Variants in LSS observed in about 807,000 individuals in gnomAD.
LSS encodes the protein lanosterol synthase.
Under a neutral mutation model 110.3 loss-of-function variants are expected in LSS, and 90 were observed. The observed-to-expected ratio is 0.82, with a 90% CI of 0.69 to 0.97. The LOEUF (loss-of-function observed/expected upper bound fraction) is 0.97, where lower values mean the gene tolerates loss of function less well. Among genes scored for constraint, LSS ranks in the 50% least tolerant of loss-of-function variants. The probability of loss-of-function intolerance (pLI) is 0.00; values close to 1 mark genes in which losing one functional copy is unlikely to be tolerated. For synonymous variants in LSS, 433 were observed against 400.0 expected, an observed-to-expected ratio of 1.08 and a Z score of -0.98; for missense variants, 927 against 990.0, an observed-to-expected ratio of 0.94 and a Z score of 0.85.
At chr21:46,192,029 G>T in intron 20 of LSS, 70 bp from the exon 21 acceptor site, 1 of 1,193,106 alleles carries the variant, frequency 8.4e-7, no homozygotes, top group Admixed American at 1.8e-5. Context: ...CCCTCACACA[G>T]CCGAGCATAA....
intron 20 of LSS, chr21:46,193,825 G>C: frequency 2.6e-6 from 1 of 383,770 alleles, no homozygotes; most frequent in South Asian, 1.9e-5. Context: ...CTGTACGTGT[G>C]TGTACACAGG....
chr21:46,195,721 A>G lies in LSS; in HGVS notation c.1772T>C (p.Phe591Ser). 1.9e-6 allele frequency: 3 copies of G among 1,613,918 alleles called. No homozygotes were observed. Among genetic ancestry groups the G allele is most frequent in the Non-Finnish European group, 2.5e-6 (3 of 1,180,024 alleles). ...WGVCFTYGTW[F>S]GLEAFACMGQ... ...CATACAGGCGAAGGCCTCCAGGCCA[A>G]ACCAGGTGCCGTAGGTGAAGCAAAC... The change falls in exon 19 of 22, where the codon TTT becomes TCT. Residue 591 changes from phenylalanine (F) to serine (S), a missense_variant. Physicochemically the swap from Phe to Ser is radical, Grantham distance 155. Transcript: ENST00000397728.
Position 46,190,962 on chromosome 21 carries a change from C to T in LSS, c.*142G>A, listed in dbSNP as rs934085416. ...ACCCTGTCCCCATCCCTGCCTCCAGCCTGGCCCCCAGATTCACATCTATGA... is the reference window on the plus strand; with the variant it reads ...ACCCTGTCCCCATCCCTGCCTCCAGTCTGGCCCCCAGATTCACATCTATGA... On this transcript the variant is annotated 3_prime_UTR_variant, in exon 22 of 22. Transcript: ENST00000397728. The surrounding 1 kb of genome is among the most constrained non-coding windows in gnomAD (Gnocchi z 4.6). 12 of 963,106 alleles carry T rather than the reference C, an allele frequency of 1.2e-5. No homozygotes were observed. The highest frequency in any genetic ancestry group is 1.8e-5 in the Non-Finnish European group (12 of 667,690). The allele number at this position is 963,106 out of a possible 1,614,324, so 59.7% of individuals were successfully genotyped here. A position where few individuals can be genotyped will look rare whatever the true frequency, so the allele number is the denominator to read the frequency against.
intron 3 of LSS, among the ~76,000 whole-genome samples, chr21:46,223,930 G>C (rs1156346241): frequency 6.6e-6 from 1 of 152,150 alleles, no homozygotes. Context: ...GGGAAAGGGA[G>C]GCTCCCTTTC....
At chr21:46,210,063 CTTTTTTTTT>C (rs71318051) in intron 12 of LSS, among the ~76,000 whole-genome samples, 1 of 107,596 alleles carries the variant, frequency 9.3e-6, no homozygotes, top group Non-Finnish European at 1.8e-5. Flanking sequence ...AGTTCCAGTT[CTTTTTTTTT>C]TTTTTTTTTT....
intron 6 of LSS, 94 bp downstream of exon 6, chr21:46,219,382 T>A: frequency 1.4e-4 from 99 of 690,046 alleles, no homozygotes; most frequent in Middle Eastern, 5.3e-4. Flanking sequence ...CACCCCTCTC[T>A]GCTGTCACAG....
At position 46,191,101 on chromosome 21, in the gene LSS, T is replaced by C. The variant is rs764821380; in HGVS notation, c.*3A>G. On this transcript the variant is annotated 3_prime_UTR_variant, in exon 22 of 22. Transcript: ENST00000397728. ...AGACGGCACCCAGCAGGTAGGCATGTTCTCAGGGGTGGCCAGCAAGGGCTC... is the reference window on the plus strand; with the variant it reads ...AGACGGCACCCAGCAGGTAGGCATGCTCTCAGGGGTGGCCAGCAAGGGCTC... The C allele has an allele frequency of 1.2e-6, 2 of 1,613,880 alleles. No individual in the cohort carries two copies. Among genetic ancestry groups the C allele is most frequent in the Non-Finnish European group, 1.7e-6 (2 of 1,179,992 alleles).
At chr21:46,198,071 G>A (rs2079932299) in intron 17 of LSS, among the ~76,000 whole-genome samples, 1 of 152,092 alleles carries the variant, frequency 6.6e-6, no homozygotes, top group South Asian at 2.1e-4. Context: ...TTTGAGACCA[G>A]CCTGGGCAAC....
chr21:46,203,891 A>G (rs1189390161), intron 17 of LSS, among the ~76,000 whole-genome samples: 1 of 152,276 alleles, frequency 6.6e-6, no homozygotes, highest in Non-Finnish European at 1.5e-5. Flanking sequence ...CAGAACACAC[A>G]TTTAACTGAA....
At chr21:46,228,285 G>T (rs2080381081) in intron 2 of LSS, 149 bp downstream of exon 2, 3 of 789,918 alleles carry the variant, frequency 3.8e-6, no homozygotes, top group Non-Finnish European at 5.9e-6. Flanking sequence ...AAGCGGAGGG[G>T]CCCGCGAACG....
intron 11 of LSS, among the ~76,000 whole-genome samples, chr21:46,212,162 C>T (rs1315564979): frequency 1.3e-5 from 2 of 152,204 alleles, no homozygotes; most frequent in Non-Finnish European, 2.9e-5. Context: ...TCACAAAACA[C>T]GGACAGTGTC....
chr21:46,215,695 G>A lies in LSS; in HGVS notation c.882C>T (p.Arg294=), dbSNP rs781300413. Reference sequence around the variant, plus strand: ...TCAGGAGGCGCTCACCATATACCACGCGGAGCAGCCAGCTGTGCGGCGTGT... The same window carrying A: ...TCAGGAGGCGCTCACCATATACCACACGGAGCAGCCAGCTGTGCGGCGTGT... The part of the protein sequence containing the change: ...ELYTPHSWLL[R]VVYALLNLYE... Residue 294 remains arginine, a synonymous_variant, in exon 8 of 22, where the codon CGC becomes CGT. Coordinates refer to ENST00000397728, the MANE Select transcript of LSS (RefSeq NM_002340.6). The A allele has an allele frequency of 1.6e-5, 25 of 1,610,748 alleles. No individual in the cohort carries two copies. The highest frequency in any genetic ancestry group is 1.7e-4 in the Middle Eastern group (1 of 6,044).
chr21:46,202,116 CG>C (rs2079986000), intron 17 of LSS, among the ~76,000 whole-genome samples: 1 of 135,366 alleles, frequency 7.4e-6, no homozygotes, highest in African/African-American at 2.7e-5. Flanking sequence ...TAATATAGGC[CG>C]GGCGCGGTGG....
intron 9 of LSS, among the ~76,000 whole-genome samples, chr21:46,214,153 C>T (rs969874065): frequency 6.6e-6 from 1 of 152,190 alleles, no homozygotes. Context: ...CTACCAGGTG[C>T]CTTAGAGACA....
At chr21:46,213,868 T>A in intron 9 of LSS, 33 bp from the exon 10 acceptor site, 2 of 1,518,094 alleles carry the variant, frequency 1.3e-6, no homozygotes, top group Non-Finnish European at 1.8e-6. Context: ...AAGGCTCCGC[T>A]CCAGACCCAC....
chr21:46,201,720 T>C lies in LSS; in HGVS notation c.1670+4116A>G, dbSNP rs1008186213. ...GAGAATTTAAGTCTGTCTAGTAAAA[T>C]AGAATATTCCATATAAATAGTGTTA... On this transcript the variant is annotated intron_variant, in intron 17 of 21. Coordinates refer to ENST00000397728, the MANE Select transcript of LSS (RefSeq NM_002340.6). Among the ~76,000 whole-genome samples, 4 of 152,200 alleles carry C rather than the reference T, an allele frequency of 2.6e-5. 1 individual carries two copies. Among genetic ancestry groups the C allele is most frequent in the Admixed American group, 6.5e-5 (1 of 15,298 alleles).
chr21:46,208,248 T>C lies in LSS; in HGVS notation c.1317+3A>G. 1 of 1,552,076 alleles carries C rather than the reference T, an allele frequency of 6.4e-7. No individual in the cohort carries two copies. The highest frequency in any genetic ancestry group is 8.7e-7 in the Non-Finnish European group (1 of 1,147,228). ...GACAGGGATGGGGCTGGCTCCCGCA[T>C]ACCTTGCGCATCTGGCGGTAGTACT... On this transcript the variant is annotated splice_donor_region_variant and intron_variant, in intron 14 of 21. Transcript: ENST00000397728.
In LSS at chr21:46,207,791, C is replaced by T. The variant is rs2080072649; in HGVS notation, c.1318-214G>A. ...CAGGGACCCTCAGGGGTGCAGCTCA[C>T]ACCCTCAACACCTGCAGATCTCACG... On this transcript the variant is annotated intron_variant, in intron 14 of 21. Coordinates refer to ENST00000397728, the MANE Select transcript of LSS (RefSeq NM_002340.6). Among the ~76,000 whole-genome samples, 5 of 150,766 alleles carry T rather than the reference C, an allele frequency of 3.3e-5. No homozygotes were observed. The South Asian group carries it at 1.0e-3, about 31-fold the overall frequency.
intron 16 of LSS, among the ~76,000 whole-genome samples, 174 bp downstream of exon 16, chr21:46,206,498 G>A (rs543328183): frequency 1.3e-5 from 2 of 152,310 alleles, no homozygotes; most frequent in South Asian, 2.1e-4. Context: ...CTGCCACCCC[G>A]GGGGATGGAG....
Sources: gnomAD v4.1 joint callset for allele counts (sites outside exome capture counted in the v4.1 genomes callset) on GRCh38, gnomAD v4.1.1 for gene constraint, Gnocchi (gnomAD v3.1) non-coding constraint, MANE v1.5 for transcripts, NCBI Gene and HGNC (gene_info 2026-07-23, HGNC 2026-07-21) for gene names.